Variants in KLHL17 observed in about 807,000 individuals in gnomAD.
KLHL17 encodes the protein kelch like family member 17.
Under a neutral mutation model 64.6 loss-of-function variants are expected in KLHL17, and 71 were observed. The ratio of observed to expected loss-of-function variants is 1.10; its 90% CI spans 0.91 to 1.34. The LOEUF is 1.34. KLHL17 is among the 40% of genes most tolerant of loss of function. The pLI, the probability that KLHL17 is intolerant of heterozygous loss-of-function variation, is 0.00. For synonymous variants in KLHL17, 612 were observed against 405.4 expected, an observed-to-expected ratio of 1.51 and a Z score of -6.12; for missense variants, 1,140 against 935.0, an observed-to-expected ratio of 1.22 and a Z score of -2.86.
chr1:963,834 A>T, intron 8 of KLHL17, 86 bp from the exon 9 acceptor site: 1 of 1,404,822 alleles, frequency 7.1e-7, no homozygotes, highest in Non-Finnish European at 1.0e-6. Context: ...GTAAGATTTC[A>T]GCCATTCCGC....
chr1:965,192 C>A lies in KLHL17; in HGVS notation c.*1C>A. 6.2e-7 allele frequency: 1 copy of A among 1,611,670 alleles called. No homozygotes were observed. Among genetic ancestry groups the A allele is most frequent in the South Asian group, 1.1e-5 (1 of 91,006 alleles). Reference sequence around the variant, plus strand: ...GTCCGTGTCCTCCACCAGCCTCTGACCCACCTACCACCAGAGGCCTGCAGC... The same window carrying A: ...GTCCGTGTCCTCCACCAGCCTCTGAACCACCTACCACCAGAGGCCTGCAGC... On this transcript the variant is annotated 3_prime_UTR_variant, in exon 12 of 12. Coordinates refer to ENST00000338591, the MANE Select transcript of KLHL17 (RefSeq NM_198317.3).
rs957772934 is a variant in KLHL17 at position 965,437 on chromosome 1, C to T, written c.*246C>T. ...CCCTCCACTGCCTGCATGGGGGGCGCGGGGAGTGACCAGGCGGGGGCCTCA... is the reference window on the plus strand; with the variant it reads ...CCCTCCACTGCCTGCATGGGGGGCGTGGGGAGTGACCAGGCGGGGGCCTCA... On this transcript the variant is annotated 3_prime_UTR_variant, in exon 12 of 12. Coordinates refer to ENST00000338591, the MANE Select transcript of KLHL17 (RefSeq NM_198317.3). 8 of 559,762 alleles carry T rather than the reference C, an allele frequency of 1.4e-5. No homozygotes were observed. The highest frequency in any genetic ancestry group is 3.8e-5 in the African/African-American group (2 of 52,778). 34.7% of individuals were successfully genotyped at this position (559,762 alleles called of 1,614,324 possible).
Position 965,145 on chromosome 1 carries a change from C to G in KLHL17, c.1883C>G (p.Pro628Arg). 1 of 1,612,578 alleles carries G rather than the reference C, an allele frequency of 6.2e-7. No homozygotes were observed. Among genetic ancestry groups the G allele is most frequent in the South Asian group, 1.1e-5 (1 of 91,076 alleles). ...GCGGTGCTGGAGCTGCTCAATTTCC[C>G]GCCGCCATCCTCCCCGACGCTGTCC... is the stretch of plus-strand genomic sequence containing the variant. ...GVAVLELLNFPPPSSPTLSVS... is the reference protein window; with the variant it reads ...GVAVLELLNFRPPSSPTLSVS... Residue 628 changes from proline (P) to arginine (R), a missense_variant, in exon 12 of 12, where the codon CCG (proline) becomes CGG (arginine). By Grantham distance (103) the Pro-to-Arg change is moderately radical. Transcript: ENST00000338591.
chr1:961,194 C>A, intron 1 of KLHL17, 99 bp from the exon 2 acceptor site: 1 of 928,146 alleles, frequency 1.1e-6, no homozygotes, highest in Non-Finnish European at 1.4e-6. Flanking sequence ...CCCGTCGCAC[C>A]AGGGGCTGGG....
rs750193239 is a variant in KLHL17, at chr1:961,278, G to A, written c.108-15G>A. The A allele has an allele frequency of 1.5e-5, 22 of 1,463,632 alleles. No homozygotes were observed. Among genetic ancestry groups the A allele is most frequent in the Middle Eastern group, 2.4e-4 (1 of 4,102 alleles). The allele number at this position is 1,463,632 out of a possible 1,614,324, so 90.7% of individuals were successfully genotyped here. ...GCTCCAGCGGGGCGAAGCCTGACCC[G>A]CCCGCCTCCTGCAGCCCCGAGGCAG... On this transcript the variant is annotated splice_polypyrimidine_tract_variant and intron_variant, in intron 1 of 11. Coordinates refer to ENST00000338591, the MANE Select transcript of KLHL17 (RefSeq NM_198317.3).
Position 961,597 on chromosome 1 carries a change from G to C in KLHL17, c.368-32G>C, listed in dbSNP as rs201970099. ...GCGCTGGGGGCTCCGTGGGTCCCTC[G>C]GGTCAGCTCGTGTAACCCGCTGTCC... On this transcript the variant is annotated intron_variant, in intron 2 of 11. Coordinates refer to ENST00000338591, the MANE Select transcript of KLHL17 (RefSeq NM_198317.3). The C allele has an allele frequency of 8.9e-4, 1,432 of 1,612,740 alleles. 1 individual carries two copies. Among genetic ancestry groups the C allele is most frequent in the Non-Finnish European group, 1.1e-3 (1,316 of 1,179,956 alleles).
intron 4 of KLHL17, 154 bp downstream of exon 4, chr1:962,201 C>T (rs762025110): frequency 2.4e-5 from 33 of 1,348,876 alleles, no homozygotes; most frequent in Non-Finnish European, 3.1e-5. Flanking sequence ...CTGGGCCCCC[C>T]AGGAGCCTCG....
In KLHL17 at chr1:965,524, C is replaced by T. The variant is rs1275116662; in HGVS notation, c.*333C>T. The T allele has an allele frequency of 5.8e-6, 2 of 345,634 alleles. No individual in the cohort carries two copies. Among genetic ancestry groups the T allele is most frequent in the Non-Finnish European group, 1.1e-5 (2 of 189,362 alleles). 21.4% of individuals were successfully genotyped at this position (345,634 alleles called of 1,614,324 possible). On this transcript the variant is annotated 3_prime_UTR_variant, in exon 12 of 12. Coordinates refer to ENST00000338591, the MANE Select transcript of KLHL17 (RefSeq NM_198317.3). ...CTGTGGAGCAAGAGGCCCTGGGTCT[C>T]TCCAAGCAGCTGCAGACCCCAGCTC... is the stretch of plus-strand genomic sequence containing the variant.
rs757845370 is a variant in KLHL17, at chr1:961,948, C to T, written c.612C>T (p.His204=). ...GTATCCGGGGCTTTGCCGATGCGCA[C>T]TCCTGCAGCGACCTGCTCAAGGCCG... ...CLGIRGFADA[H]SCSDLLKAAH... The change falls in exon 4 of 12, where the codon CAC becomes CAT. Residue 204 remains histidine (H), a synonymous_variant. Coordinates refer to ENST00000338591, the MANE Select transcript of KLHL17 (RefSeq NM_198317.3). 13 of 1,612,844 alleles carry T rather than the reference C, an allele frequency of 8.1e-6. No homozygotes were observed. In the African/African-American group the frequency reaches 1.5e-4, roughly 18 times the overall value.
rs201789958 is a variant in KLHL17, at chr1:964,985, A to G, written c.1723A>G (p.Met575Val). ...CAGGAGCACGCATGACCTGGTGGCC[A>G]TGGACGGATGGTTGTACGCCGTGGG... is the stretch of plus-strand genomic sequence containing the variant. ...IRRSTHDLVA[M>V]DGWLYAVGGN... Residue 575 changes from methionine to valine, a missense_variant, in exon 12 of 12, where the codon ATG becomes GTG. Met to Val is a conservative substitution (Grantham distance 21). Coordinates refer to ENST00000338591, the MANE Select transcript of KLHL17 (RefSeq NM_198317.3). 9.9e-6 allele frequency: 16 copies of G among 1,610,628 alleles called. No individual in the cohort carries two copies. The highest frequency in any genetic ancestry group is 2.2e-5 in the East Asian group (1 of 44,752).
At position 963,087 on chromosome 1, in the gene KLHL17, C is replaced by T. The variant is rs41285808; in HGVS notation, c.1043-22C>T. On this transcript the variant is annotated intron_variant, in intron 6 of 11. Coordinates refer to ENST00000338591, the MANE Select transcript of KLHL17 (RefSeq NM_198317.3). ...AGCAGTGGGATCCACTCACGAGTCC[C>T]GTCTCCACCTGCCCTCCCCAGGCGG... is the stretch of plus-strand genomic sequence containing the variant. The T allele has an allele frequency of 0.052, 83,707 of 1,608,312 alleles. 2,311 individuals carry two copies. Among genetic ancestry groups the T allele is most frequent in the South Asian group, 0.07 (6,351 of 90,402 alleles).
Position 964,975 on chromosome 1 carries a change from C to T in KLHL17, c.1713C>T (p.Asp571=), listed in dbSNP as rs1405155037. The T allele has an allele frequency of 2.5e-6, 4 of 1,608,714 alleles. No individual in the cohort carries two copies. The South Asian group carries it at 3.3e-5, about 13-fold the overall frequency. ...APMNIRRSTH[D]LVAMDGWLYA... ...GCCTTCCCCCCAGGAGCACGCATGA[C>T]CTGGTGGCCATGGACGGATGGTTGT... The change falls in exon 12 of 12, where the codon GAC becomes GAT. Residue 571 remains aspartate, a synonymous_variant. Transcript: ENST00000338591.
chr1:963,102 T>TC lies in KLHL17; in HGVS notation c.1043-3dup, dbSNP rs1238096446. On this transcript the variant is annotated splice_polypyrimidine_tract_variant and splice_region_variant and intron_variant, in intron 6 of 11. Coordinates refer to ENST00000338591, the MANE Select transcript of KLHL17 (RefSeq NM_198317.3). ...TCACGAGTCCCGTCTCCACCTGCCCTCCCCAGGCGGCGGGAGCCTGTTTGC... is the reference window on the plus strand; with the variant it reads ...TCACGAGTCCCGTCTCCACCTGCCCTCCCCCAGGCGGCGGGAGCCTGTTTGC... The TC allele has an allele frequency of 1.2e-6, 2 of 1,610,776 alleles. No homozygotes were observed. The highest frequency in any genetic ancestry group is 1.7e-6 in the Non-Finnish European group (2 of 1,179,144).
Position 965,628 on chromosome 1 carries a change from TCC to T in KLHL17, c.*438_*439del, listed in dbSNP as rs1279124899. ...GTCGTCGTCTGCCGTGTGCCATCTTTCCTGGATCTTGTAGTGGGTGCACACGC... is the reference window on the plus strand; with the variant it reads ...GTCGTCGTCTGCCGTGTGCCATCTTTTGGATCTTGTAGTGGGTGCACACGC... On this transcript the variant is annotated 3_prime_UTR_variant, in exon 12 of 12. Transcript: ENST00000338591. 5.0e-6 allele frequency: 1 copy of T among 199,360 alleles called. No homozygotes were observed. Among genetic ancestry groups the T allele is most frequent in the Admixed American group, 5.4e-5 (1 of 18,606 alleles). 12.3% of individuals were successfully genotyped at this position (199,360 alleles called of 1,614,324 possible). A position where few individuals can be genotyped will look rare whatever the true frequency, so the allele number is the denominator to read the frequency against.
At position 962,727 on chromosome 1, in the gene KLHL17, C is replaced by T. The variant is rs1437017500; in HGVS notation, c.852C>T (p.Pro284=). Residue 284 remains proline (P), a synonymous_variant, in exon 6 of 12, where the codon CCC becomes CCT. Coordinates refer to ENST00000338591, the MANE Select transcript of KLHL17 (RefSeq NM_198317.3). ...VPRLMKCVRL[P]LLSRDFLLGH... is the part of the protein sequence containing the mutation. ...AGCTCATGAAGTGTGTGCGGCTGCC[C>T]TTGCTGAGCCGCGACTTCCTGCTGG... is the stretch of plus-strand genomic sequence containing the variant. The T allele has an allele frequency of 1.2e-6, 2 of 1,607,228 alleles. No individual in the cohort carries two copies. Among genetic ancestry groups the T allele is most frequent in the East Asian group, 2.2e-5 (1 of 44,866 alleles).
In KLHL17 at chr1:964,853, G is replaced by A. The variant is rs1377029103; in HGVS notation, c.1701-110G>A. On this transcript the variant is annotated intron_variant, in intron 11 of 11. Coordinates refer to ENST00000338591, the MANE Select transcript of KLHL17 (RefSeq NM_198317.3). ...GCAGTGGGGATGTGCTGTGAGAAGG[G>A]AGTTCTCCCAACCTCAGCGAGCATG... 11 of 938,576 alleles carry A rather than the reference G, an allele frequency of 1.2e-5. No individual in the cohort carries two copies. The South Asian group carries it at 1.8e-4, about 15-fold the overall frequency. 58.1% of individuals were successfully genotyped at this position (938,576 alleles called of 1,614,324 possible).
Position 965,103 on chromosome 1 carries a change from G to A in KLHL17, c.1841G>A (p.Arg614His), listed in dbSNP as rs141880205. 8.7e-6 allele frequency: 14 copies of A among 1,612,614 alleles called. No homozygotes were observed. Among genetic ancestry groups the A allele is most frequent in the African/African-American group, 6.7e-5 (5 of 74,854 alleles). ...WVAASCMFTR[R>H]SSVGVAVLEL... ...GCCGCATCCTGCATGTTCACCCGGC[G>A]CAGCAGTGTGGGTGTGGCGGTGCTG... The change falls in exon 12 of 12, where the codon CGC becomes CAC. Residue 614 changes from arginine (R) to histidine (H), a missense_variant. Coordinates refer to ENST00000338591, the MANE Select transcript of KLHL17 (RefSeq NM_198317.3).
chr1:962,697 AC>A lies in KLHL17; in HGVS notation c.829-3del, dbSNP rs1302640918. On this transcript the variant is annotated splice_polypyrimidine_tract_variant and splice_region_variant and intron_variant, in intron 5 of 11. Transcript: ENST00000338591. The stretch of plus-strand genomic sequence containing the variant: ...CCCGCCTGACCTTGGCGTTCCCTGC[AC>A]CCCAGCTCATGAAGTGTGTGCGGCT... 4 of 1,581,512 alleles carry A rather than the reference AC, an allele frequency of 2.5e-6. No individual in the cohort carries two copies. The Admixed American group carries it at 7.0e-5, about 28-fold the overall frequency.
rs748414601 is a variant in KLHL17, at chr1:961,447, C to A, written c.262C>A (p.Arg88Ser). 8 of 1,612,302 alleles carry A rather than the reference C, an allele frequency of 5.0e-6. No homozygotes were observed. The highest frequency in any genetic ancestry group is 6.8e-6 in the Non-Finnish European group (8 of 1,179,812). The change falls in exon 2 of 12, where the codon CGC becomes AGC. Residue 88 changes from arginine (R) to serine (S), a missense_variant. By Grantham distance (110) the Arg-to-Ser change is moderately radical. Transcript: ENST00000338591. ...CGTGGCCATGAGCCGCATGCGCCAG[C>A]GCGGCCTCCTGTGCGACATCGTCCT... ...AFVAMSRMRQRGLLCDIVLHV... is the reference protein window; with the variant it reads ...AFVAMSRMRQSGLLCDIVLHV...
Sources: gnomAD v4.1 joint callset for allele counts on GRCh38, gnomAD v4.1.1 for gene constraint, MANE v1.5 for transcripts, NCBI Gene and HGNC (gene_info 2026-07-23, HGNC 2026-07-21) for gene names.